NDUFS1: variants seen among roughly 807,000 people sequenced by gnomAD.
The protein encoded by NDUFS1 is NADH-ubiquinone oxidoreductase 75 kDa subunit, mitochondrial.
In NDUFS1, 61 loss-of-function variants were observed where a neutral mutation model predicts 84.4. The ratio of observed to expected loss-of-function variants is 0.72; its 90% CI spans 0.59 to 0.89. The LOEUF is 0.89. NDUFS1 is among the 40% of genes least tolerant of loss of function. The pLI is 0.00. For synonymous variants in NDUFS1, 275 were observed against 290.0 expected, an observed-to-expected ratio of 0.95 and a Z score of 0.53; for missense variants, 891 against 890.0, an observed-to-expected ratio of 1.00 and a Z score of -0.01.
At chr2:206,130,045 T>G in intron 15 of NDUFS1, 43 bp downstream of exon 15, 1 of 1,606,650 alleles carries the variant, frequency 6.2e-7, no homozygotes, top group East Asian at 2.2e-5. Context: ...ACATACATAA[T>G]GTACTACTCT....
intron 8 of NDUFS1, among the ~76,000 whole-genome samples, chr2:206,146,054 G>A (rs1575982834): frequency 6.6e-6 from 1 of 152,256 alleles, no homozygotes; most frequent in Middle Eastern, 3.4e-3. Context: ...GGGCAAACTT[G>A]AAAACAGCCT....
At chr2:206,133,519 G>C (rs1691593701) in intron 13 of NDUFS1, among the ~76,000 whole-genome samples, 1 of 152,170 alleles carries the variant, frequency 6.6e-6, no homozygotes. Flanking sequence ...GCCACAGATA[G>C]GGAGGAGGAG....
chr2:206,156,732 G>A (rs948766138), intron 1 of NDUFS1, among the ~76,000 whole-genome samples: 7 of 152,124 alleles, frequency 4.6e-5, no homozygotes, highest in African/African-American at 1.4e-4. Flanking sequence ...ATGTACAACA[G>A]GAAATTTCAT....
chr2:206,145,010 C>T lies in NDUFS1; in HGVS notation c.754G>A (p.Asp252Asn). 1.2e-6 allele frequency: 2 copies of T among 1,613,770 alleles called. No individual in the cohort carries two copies. Among genetic ancestry groups the T allele is most frequent in the Non-Finnish European group, 1.7e-6 (2 of 1,179,800 alleles). ...PWETRKTESIDVMDAVGSNIV... is the reference protein window; with the variant it reads ...PWETRKTESINVMDAVGSNIV... ...TTACTTCCAACCGCATCCATTACAT[C>T]AATGGATTCTGTCTTTCTGAGAAAC... is the stretch of plus-strand genomic sequence containing the variant. The change falls in exon 9 of 19, where the codon GAT becomes AAT. Residue 252 changes from aspartate (D) to asparagine (N), a missense_variant. Physicochemically the swap from Asp to Asn is conservative, Grantham distance 23. Transcript: ENST00000233190.
chr2:206,144,838 T>A, intron 9 of NDUFS1, 54 bp downstream of exon 9: 2 of 1,555,416 alleles, frequency 1.3e-6, no homozygotes, highest in South Asian at 1.2e-5. Flanking sequence ...AAAATTATTA[T>A]AAAATTTCCT....
chr2:206,147,095 G>C lies in NDUFS1; in HGVS notation c.552-7C>G. 1 of 1,613,854 alleles carries C rather than the reference G, an allele frequency of 6.2e-7. No individual in the cohort carries two copies. The highest frequency in any genetic ancestry group is 8.5e-7 in the Non-Finnish European group (1 of 1,179,912). Reference sequence around the variant, plus strand: ...TGCAATCTCACTTGCAAACCTACAAGATAAAAAATGTGTCATCAATGGTCA... The same window carrying C: ...TGCAATCTCACTTGCAAACCTACAACATAAAAAATGTGTCATCAATGGTCA... On this transcript the variant is annotated splice_polypyrimidine_tract_variant and splice_region_variant and intron_variant, in intron 7 of 18. Transcript: ENST00000233190.
chr2:206,142,166 C>T, intron 11 of NDUFS1, 97 bp from the exon 12 acceptor site: 1 of 1,053,992 alleles, frequency 9.5e-7, no homozygotes, highest in African/African-American at 1.6e-5. Context: ...ATTGCCTTCT[C>T]AAACAAAAAA....
Position 206,159,413 on chromosome 2 carries a change from G to A in NDUFS1, c.-77C>T, listed in dbSNP as rs900247347. Reference sequence around the variant, plus strand: ...CGACGACCCCCTAGGAGGCCGGGTCGCTTATTCAATATGGCGGCCTCGGCT... The same window carrying A: ...CGACGACCCCCTAGGAGGCCGGGTCACTTATTCAATATGGCGGCCTCGGCT... On this transcript the variant is annotated 5_prime_UTR_variant, in exon 1 of 19. Coordinates refer to ENST00000233190, the MANE Select transcript of NDUFS1 (RefSeq NM_005006.7). 1.2e-5 allele frequency: 6 copies of A among 492,586 alleles called. No homozygotes were observed. The highest frequency in any genetic ancestry group is 2.2e-5 in the Non-Finnish European group (6 of 274,106). 30.5% of individuals were successfully genotyped at this position (492,586 alleles called of 1,614,324 possible).
intron 4 of NDUFS1, among the ~76,000 whole-genome samples, chr2:206,149,382 T>C (rs1692283025): frequency 6.6e-6 from 1 of 152,318 alleles, no homozygotes; most frequent in South Asian, 2.1e-4. Context: ...ACCAAATAAC[T>C]GCTTTGATTA....
chr2:206,138,685 T>C (rs901536394), intron 12 of NDUFS1, 71 bp from the exon 13 acceptor site: 2 of 1,451,172 alleles, frequency 1.4e-6, no homozygotes, highest in East Asian at 2.3e-5. Context: ...CAATCCTAAG[T>C]GATACATCTA....
At chr2:206,154,141 A>T (rs1271842208) in intron 1 of NDUFS1, among the ~76,000 whole-genome samples, 1 of 152,240 alleles carries the variant, frequency 6.6e-6, no homozygotes, top group Non-Finnish European at 1.5e-5. Context: ...ATATTCTGAG[A>T]TAGCTCACCA....
chr2:206,152,904 A>G (rs1692430455), intron 2 of NDUFS1, among the ~76,000 whole-genome samples: 1 of 151,986 alleles, frequency 6.6e-6, no homozygotes, highest in East Asian at 1.9e-4. Flanking sequence ...GGGTTTCGCC[A>G]TATTGGCCAG....
intron 1 of NDUFS1, among the ~76,000 whole-genome samples, chr2:206,157,986 CAG>C (rs1471060066): frequency 1.9e-5 from 1 of 53,080 alleles, no homozygotes; most frequent in Non-Finnish European, 3.4e-5. Context: ...TTTTTTGAGA[CAG>C]AGTCTCGCTC....
rs1692269886 is a variant in NDUFS1 at position 206,149,079 on chromosome 2, G to A, written c.279C>T (p.Ala93=). 6.2e-7 allele frequency: 1 copy of A among 1,612,494 alleles called. No homozygotes were observed. Among genetic ancestry groups the A allele is most frequent in the Non-Finnish European group, 8.5e-7 (1 of 1,179,376 alleles). Residue 93 remains alanine, a synonymous_variant, in exon 5 of 19, where the codon GCC becomes GCT. Transcript: ENST00000233190. The part of the protein sequence containing the change: ...EKAPKVVAAC[A]MPVMKGWNIL... ...TATTCCAACCCTTCATTACTGGCAT[G>A]GCACAAGCAGCTACAACCTGGGATT...
chr2:206,149,366 CAG>C (rs768045241), intron 4 of NDUFS1, among the ~76,000 whole-genome samples: 1 of 152,066 alleles, frequency 6.6e-6, no homozygotes, highest in Non-Finnish European at 1.5e-5. Flanking sequence ...TGCTCTGAAA[CAG>C]AACACCAAAT....
chr2:206,128,228 C>A (rs550659044), intron 15 of NDUFS1, among the ~76,000 whole-genome samples: 1 of 151,998 alleles, frequency 6.6e-6, no homozygotes, highest in East Asian at 2.0e-4. Context: ...TGCAGTGGTG[C>A]AATCTTGGCT....
chr2:206,116,579 ATTTC>A lies in NDUFS1; in HGVS notation c.*7602_*7605del. 1.7e-6 allele frequency: 1 copy of A among 573,188 alleles called. No individual in the cohort carries two copies. The highest frequency in any genetic ancestry group is 3.1e-6 in the Non-Finnish European group (1 of 321,364). 35.5% of individuals were successfully genotyped at this position (573,188 alleles called of 1,614,324 possible). A position where few individuals can be genotyped will look rare whatever the true frequency, so the allele number is the denominator to read the frequency against. ...GGCGGGGCGGTGTGGGCAGAAGTAA[ATTTC>A]TTTATAAATTACCCAGTCTGGGCCT... On this transcript the variant is annotated 3_prime_UTR_variant, in exon 19 of 19. Transcript: ENST00000233190.
Position 206,147,827 on chromosome 2 carries a change from C to T in NDUFS1, c.346G>A (p.Val116Met). 1 of 1,613,574 alleles carries T rather than the reference C, an allele frequency of 6.2e-7. No homozygotes were observed. Among genetic ancestry groups the T allele is most frequent in the Non-Finnish European group, 8.5e-7 (1 of 1,179,450 alleles). The change falls in exon 6 of 19, where the codon GTG becomes ATG. Residue 116 changes from valine to methionine, a missense_variant. Val to Met is a conservative substitution (Grantham distance 21). Transcript: ENST00000233190. ...SEKSKKAREG[V>M]MEFLLANHPL... ...TGATTTGCTAATAAGAACTCCATCA[C>T]ACCTTCCCTGTATGAAAATTGTAAC...
intron 10 of NDUFS1, 81 bp downstream of exon 10, chr2:206,143,937 A>C: frequency 8.8e-7 from 1 of 1,132,886 alleles, no homozygotes; most frequent in Admixed American, 1.9e-5. Context: ...AAAGGGAAGA[A>C]ATATACATCC....
Sources: gnomAD v4.1 joint callset for allele counts (sites outside exome capture counted in the v4.1 genomes callset) on GRCh38, gnomAD v4.1.1 for gene constraint, MANE v1.5 for transcripts, NCBI Gene and HGNC (gene_info 2026-07-23, HGNC 2026-07-21) for gene names.